The following RBMS2 variants were observed in gnomAD, a reference collection of about 807,000 sequenced individuals.
RBMS2 encodes the protein RNA binding motif single stranded interacting protein 2.
A neutral mutation model predicts 58.4 loss-of-function variants in RBMS2; 38 were observed. The ratio of observed to expected loss-of-function variants is 0.65; its 90% CI spans 0.50 to 0.85. The LOEUF is 0.85. Among genes scored for constraint, RBMS2 ranks in the 40% least tolerant of loss-of-function variants. The probability of loss-of-function intolerance (pLI) is 0.00; values close to 1 mark genes in which losing one functional copy is unlikely to be tolerated. For synonymous variants in RBMS2, 151 were observed against 180.7 expected, an observed-to-expected ratio of 0.84 and a Z score of 1.32; for missense variants, 367 against 503.7, an observed-to-expected ratio of 0.73 and a Z score of 2.60.
chr12:56,528,477 A>G (rs1873095640), intron 1 of RBMS2, among the ~76,000 whole-genome samples: 1 of 152,154 alleles, frequency 6.6e-6, no homozygotes, highest in African/African-American at 2.4e-5. Flanking sequence ...ATTGATTAAG[A>G]TGTAGAGCAG....
In RBMS2 at chr12:56,563,688, A is replaced by T. The variant is rs369407925; in HGVS notation, c.233+1105A>T. The stretch of plus-strand genomic sequence containing the variant: ...CGTGGTGGCTCACACCTGTAATCCT[A>T]GCACCTTGGGAGACCAAGGCAGAAG... On this transcript the variant is annotated intron_variant, in intron 2 of 13. Transcript: ENST00000262031. 1.6e-4 allele frequency among the ~76,000 whole-genome samples: 25 copies of T among 152,300 alleles called. No homozygotes were observed. In the South Asian group the frequency reaches 5.2e-3, roughly 32 times the overall value.
chr12:56,524,603 C>A (rs1315572153), intron 1 of RBMS2, among the ~76,000 whole-genome samples: 1 of 151,782 alleles, frequency 6.6e-6, no homozygotes, highest in African/African-American at 2.4e-5. Context: ...TTAGTAGAGA[C>A]GGGGTTTCAC....
At chr12:56,569,849 C>T in intron 3 of RBMS2, 50 bp from the exon 4 acceptor site, 1 of 1,484,842 alleles carries the variant, frequency 6.7e-7, no homozygotes, top group Non-Finnish European at 9.4e-7. Context: ...CTGGACCTCT[C>T]TGTTCCTTAC....
chr12:56,551,433 A>G (rs1592387547), intron 1 of RBMS2, among the ~76,000 whole-genome samples: 1 of 152,228 alleles, frequency 6.6e-6, no homozygotes, highest in Admixed American at 6.5e-5. Flanking sequence ...AAGGGATGGT[A>G]GCATATCATC....
At chr12:56,572,835 A>G (rs1271661924) in intron 5 of RBMS2, 55 of 984,450 alleles carry the variant, frequency 5.6e-5, no homozygotes, top group Non-Finnish European at 6.5e-5. Flanking sequence ...CACCTGTGAT[A>G]TCAGAGCTTG....
intron 1 of RBMS2, among the ~76,000 whole-genome samples, chr12:56,559,223 A>C (rs1879891661): frequency 6.6e-6 from 1 of 151,592 alleles, no homozygotes; most frequent in South Asian, 2.1e-4. Flanking sequence ...TCTGTTGCCC[A>C]GGCTGGAGTG....
chr12:56,536,523 T>C (rs999283304), intron 1 of RBMS2, among the ~76,000 whole-genome samples: 6 of 148,922 alleles, frequency 4.0e-5, no homozygotes, highest in Non-Finnish European at 7.4e-5. Flanking sequence ...CTTCCTTCCT[T>C]CTTTCTTTTC....
intron 2 of RBMS2, among the ~76,000 whole-genome samples, chr12:56,563,260 C>A (rs1880761314): frequency 6.6e-6 from 1 of 152,180 alleles, no homozygotes; most frequent in Non-Finnish European, 1.5e-5. Flanking sequence ...CCTCCCCCAA[C>A]CTGATGGTCT....
At chr12:56,520,722 GCTT>G (rs2136214893), upstream of RBMS2, among the ~76,000 whole-genome samples, 1 of 152,058 alleles carries the variant, frequency 6.6e-6, no homozygotes, top group South Asian at 2.1e-4. Context: ...TGAAGCATAT[GCTT>G]CTTAAGTATT....
intron 2 of RBMS2, among the ~76,000 whole-genome samples, chr12:56,567,371 G>A (rs536001735): frequency 2.5e-4 from 33 of 132,348 alleles, no homozygotes; most frequent in Non-Finnish European, 4.0e-4. Context: ...GGCAACAACA[G>A]CAAAACTCCA....
chr12:56,525,360 T>G (rs979152404), intron 1 of RBMS2, among the ~76,000 whole-genome samples: 11 of 151,904 alleles, frequency 7.2e-5, no homozygotes, highest in African/African-American at 2.7e-4. Flanking sequence ...TAGCTGGGAC[T>G]ACAGGTGTGC....
At chr12:56,582,435 G>A (rs1565780229) in intron 9 of RBMS2, among the ~76,000 whole-genome samples, 2 of 152,116 alleles carry the variant, frequency 1.3e-5, no homozygotes, top group Non-Finnish European at 2.9e-5. Flanking sequence ...ATACACATAT[G>A]TATAGCATTT....
At chr12:56,558,421 A>G (rs1297336302) in intron 1 of RBMS2, among the ~76,000 whole-genome samples, 2 of 149,526 alleles carry the variant, frequency 1.3e-5, no homozygotes, top group Non-Finnish European at 3.0e-5. Flanking sequence ...ACTTTCTTTC[A>G]GAAACATTAT....
chr12:56,539,864 G>A (rs970836681), intron 1 of RBMS2: 3 of 257,074 alleles, frequency 1.2e-5, no homozygotes, highest in South Asian at 6.9e-5. Context: ...AAACTGAGAG[G>A]CCGGATGCTT....
rs369981501 is a variant in RBMS2, at chr12:56,588,616, A to C, written c.1143+242A>C. 2.4e-4 allele frequency: 142 copies of C among 583,590 alleles called. 4 individuals are homozygous for C. In the African/African-American group the frequency reaches 2.5e-3, roughly 10 times the overall value. The allele number at this position is 583,590 out of a possible 1,614,324, so 36.2% of individuals were successfully genotyped here. On this transcript the variant is annotated intron_variant, in intron 12 of 13. Coordinates refer to ENST00000262031, the MANE Select transcript of RBMS2 (RefSeq NM_002898.4). The stretch of plus-strand genomic sequence containing the variant: ...CATGCAAATTTGTGAAGCGTTCCAT[A>C]TTTAAAAAAAAAACAACAGCAGATG...
At chr12:56,533,945 A>T (rs2136268434) in intron 1 of RBMS2, among the ~76,000 whole-genome samples, 1 of 152,004 alleles carries the variant, frequency 6.6e-6, no homozygotes, top group South Asian at 2.1e-4. Flanking sequence ...AATCCTTACA[A>T]CTTCATTATT....
At position 56,589,496 on chromosome 12, in the gene RBMS2, C is replaced by A; in HGVS notation, c.*363C>A. 1 of 228,716 alleles carries A rather than the reference C, an allele frequency of 4.4e-6. No individual in the cohort carries two copies. The highest frequency in any genetic ancestry group is 6.7e-5 in the South Asian group (1 of 14,990). 14.2% of individuals were successfully genotyped at this position (228,716 alleles called of 1,614,324 possible). ...CTTCTCATCTATATGAAAAAGTTTT[C>A]GATGTATTGGAATTATTTGGGAATG... is the stretch of plus-strand genomic sequence containing the variant. On this transcript the variant is annotated 3_prime_UTR_variant, in exon 14 of 14. Coordinates refer to ENST00000262031, the MANE Select transcript of RBMS2 (RefSeq NM_002898.4).
At chr12:56,549,989 G>C (rs961261409) in intron 1 of RBMS2, among the ~76,000 whole-genome samples, 20 of 151,978 alleles carry the variant, frequency 1.3e-4, no homozygotes, top group African/African-American at 4.6e-4. Flanking sequence ...TCATGCCATT[G>C]CACTCCAGCC....
At chr12:56,534,024 G>A (rs886595160) in intron 1 of RBMS2, among the ~76,000 whole-genome samples, 3 of 152,078 alleles carry the variant, frequency 2.0e-5, no homozygotes, top group Non-Finnish European at 4.4e-5. Context: ...GCTAGTGAAT[G>A]GCCCAACTGG....
Sources: gnomAD v4.1 joint callset for allele counts (sites outside exome capture counted in the v4.1 genomes callset) on GRCh38, gnomAD v4.1.1 for gene constraint, MANE v1.5 for transcripts, NCBI Gene and HGNC (gene_info 2026-07-23, HGNC 2026-07-21) for gene names.